Variants in GALNT13 observed in about 807,000 individuals in gnomAD.
The protein encoded by GALNT13 is polypeptide N-acetylgalactosaminyltransferase 13.
In GALNT13, 28 loss-of-function variants were observed where a neutral mutation model predicts 64.2. The observed-to-expected ratio is 0.44, with a 90% confidence interval of 0.32 to 0.60. GALNT13 has a LOEUF of 0.60. GALNT13 is among the 20% of genes least tolerant of loss of function. GALNT13 has a pLI of 0.05. For synonymous variants in GALNT13, 214 were observed against 224.6 expected (o/e 0.95, Z 0.42); for missense variants, 577 against 669.8 (o/e 0.86, Z 1.53).
the GALNT13 span, among the ~76,000 whole-genome samples, chr2:153,405,206 A>G: frequency 1.3e-5 from 2 of 152,238 alleles, no homozygotes; most frequent in Non-Finnish European, 2.9e-5. Flanking sequence ...ACATATTGCA[A>G]GAAAGACAAT....
At chr2:154,228,535 G>A (rs950473217) in intron 4 of GALNT13, among the ~76,000 whole-genome samples, 2 of 152,128 alleles carry the variant, frequency 1.3e-5, no homozygotes, top group South Asian at 4.1e-4. Flanking sequence ...TGAAACACTA[G>A]AGGTTTGCTG....
At chr2:153,301,066 A>G in the GALNT13 span, among the ~76,000 whole-genome samples, 5,689 of 151,926 alleles carry the variant, frequency 0.037, 374 homozygotes, top group African/African-American at 0.13. Flanking sequence ...TTAGCCAGGC[A>G]TGTGTGGTGG....
At chr2:153,831,950 T>C in the GALNT13 span, among the ~76,000 whole-genome samples, 3 of 152,334 alleles carry the variant, frequency 2.0e-5, no homozygotes, top group East Asian at 5.8e-4. Context: ...GTGTGTGGGC[T>C]AGCTTTGTCA....
the GALNT13 span, among the ~76,000 whole-genome samples, chr2:153,632,632 C>T: frequency 6.6e-6 from 1 of 152,124 alleles, no homozygotes; most frequent in Non-Finnish European, 1.5e-5. Context: ...ATATAGGATA[C>T]AATTTGAATC....
chr2:154,015,164 C>T (rs1696922777), intron 3 of GALNT13, among the ~76,000 whole-genome samples: 1 of 151,992 alleles, frequency 6.6e-6, no homozygotes. Flanking sequence ...TACTTCTTTT[C>T]TAATACCAGA....
the GALNT13 span, among the ~76,000 whole-genome samples, chr2:153,357,010 G>A: frequency 7.2e-5 from 11 of 151,982 alleles, no homozygotes; most frequent in East Asian, 5.8e-4. Context: ...GGGTTTCACC[G>A]TGTTAGCCAG....
At chr2:153,420,586 C>T in the GALNT13 span, 1 of 178,136 alleles carries the variant, frequency 5.6e-6, no homozygotes, top group South Asian at 1.3e-4. Context: ...AACAATCTAA[C>T]TGGAAAGATT....
rs79653062 is a variant in GALNT13, at chr2:154,328,687, C to A, written c.1156+27098C>A. On this transcript the variant is annotated intron_variant, in intron 9 of 12. Coordinates refer to ENST00000392825, the MANE Select transcript of GALNT13 (RefSeq NM_052917.4). Reference sequence around the variant, plus strand: ...CGGCATATACCTACAGGTAGAATTGCTGAACATGTTTGATTTCACAAGATA... The same window carrying A: ...CGGCATATACCTACAGGTAGAATTGATGAACATGTTTGATTTCACAAGATA... Among the ~76,000 whole-genome samples the A allele has an allele frequency of 2.5e-3, 388 of 152,214 alleles. 2 individuals are homozygous for A. Among genetic ancestry groups the A allele is most frequent in the African/African-American group, 8.8e-3 (364 of 41,552 alleles).
chr2:153,083,224 T>C, the GALNT13 span, among the ~76,000 whole-genome samples: 3 of 152,214 alleles, frequency 2.0e-5, no homozygotes, highest in Non-Finnish European at 4.4e-5. Flanking sequence ...GGTAGTTACC[T>C]GTAGTAGGAT....
At chr2:154,252,289 A>T (rs972776152) in intron 7 of GALNT13, among the ~76,000 whole-genome samples, 1 of 151,876 alleles carries the variant, frequency 6.6e-6, no homozygotes, top group African/African-American at 2.4e-5. Context: ...ACAGGAAAAC[A>T]TGGTACATAA....
At chr2:153,205,360 G>A in the GALNT13 span, among the ~76,000 whole-genome samples, 6 of 151,894 alleles carry the variant, frequency 4.0e-5, no homozygotes, top group Admixed American at 3.3e-4. Flanking sequence ...TGTCACTTCC[G>A]TCTTCTCAAC....
chr2:154,048,239 T>C (rs1021140201), intron 3 of GALNT13, among the ~76,000 whole-genome samples: 1 of 152,104 alleles, frequency 6.6e-6, no homozygotes, highest in African/African-American at 2.4e-5. Context: ...GTTAAAACAT[T>C]GGACCTCCAT....
intron 3 of GALNT13, among the ~76,000 whole-genome samples, chr2:154,048,182 A>G (rs2105340599): frequency 6.6e-6 from 1 of 152,262 alleles, no homozygotes; most frequent in South Asian, 2.1e-4. Flanking sequence ...TTAAAAAACT[A>G]GATCTCATGC....
chr2:154,280,144 G>A (rs538389691), intron 8 of GALNT13, among the ~76,000 whole-genome samples: 2 of 152,268 alleles, frequency 1.3e-5, no homozygotes, highest in South Asian at 2.1e-4. Flanking sequence ...TGTCTATCAC[G>A]ATGGTGGGGG....
the GALNT13 span, among the ~76,000 whole-genome samples, chr2:153,850,527 A>G: frequency 2.6e-5 from 4 of 152,230 alleles, no homozygotes; most frequent in Non-Finnish European, 5.9e-5. Context: ...CAATCAATCA[A>G]AAATTACCAA....
At chr2:154,129,496 A>G (rs1375637558) in intron 3 of GALNT13, among the ~76,000 whole-genome samples, 1 of 152,194 alleles carries the variant, frequency 6.6e-6, no homozygotes, top group Admixed American at 6.5e-5. Context: ...AAATGTCTTG[A>G]GACATGTAAA....
the GALNT13 span, among the ~76,000 whole-genome samples, chr2:153,457,236 A>G: frequency 6.6e-6 from 1 of 152,196 alleles, no homozygotes; most frequent in African/African-American, 2.4e-5. Context: ...ATGTGGAGGT[A>G]ATTTTGACAA....
At chr2:154,359,306 G>C (rs1478598030) in intron 9 of GALNT13, among the ~76,000 whole-genome samples, 1 of 152,000 alleles carries the variant, frequency 6.6e-6, no homozygotes, top group Non-Finnish European at 1.5e-5. Context: ...TCAAACACTA[G>C]GAAACCAAAT....
chr2:153,964,066 CT>C (rs34001244), intron 3 of GALNT13, among the ~76,000 whole-genome samples: 33,093 of 151,412 alleles, frequency 0.22, 4,416 homozygotes, highest in Middle Eastern at 0.34. Flanking sequence ...GTTAAAGTTC[CT>C]TTTTTTTCCC....
Sources: gnomAD v4.1 joint callset for allele counts (sites outside exome capture counted in the v4.1 genomes callset) on GRCh38, gnomAD v4.1.1 for gene constraint, MANE v1.5 for transcripts, NCBI Gene and HGNC (gene_info 2026-07-23, HGNC 2026-07-21) for gene names.